The following SMARCAD1 variants were observed in gnomAD, a reference collection of about 807,000 sequenced individuals.
SMARCAD1 encodes SNF2 related chromatin remodeling ATPase with DExD box 1, also known as SWI/SNF-related matrix-associated actin-dependent regulator of chromatin subfamily A containing DEAD/H box 1.
A neutral mutation model predicts 127.1 loss-of-function variants in SMARCAD1; 25 were observed. The ratio of observed to expected loss-of-function variants is 0.20; its 90% CI spans 0.14 to 0.27. The LOEUF (loss-of-function observed/expected upper bound fraction) is 0.27. SMARCAD1 is among the 10% of genes least tolerant of loss of function. The pLI is 1.00. For missense variants in SMARCAD1, 807 were observed against 1,206.0 expected, an observed-to-expected ratio of 0.67 and a Z score of 4.90; for synonymous variants, 400 against 396.9, an observed-to-expected ratio of 1.01 and a Z score of -0.09.
chr4:94,265,004 A>G, intron 10 of SMARCAD1, 98 bp downstream of exon 10: 3 of 1,201,034 alleles, frequency 2.5e-6, no homozygotes, highest in South Asian at 2.8e-5. Flanking sequence ...TATGGCAACT[A>G]GTGGTAGGAG....
intron 2 of SMARCAD1, among the ~76,000 whole-genome samples, chr4:94,223,790 C>T (rs1744565289): frequency 7.1e-6 from 1 of 141,196 alleles, no homozygotes; most frequent in East Asian, 2.1e-4. Flanking sequence ...ACCACCTTGG[C>T]TGGGCTGATG....
intron 6 of SMARCAD1, among the ~76,000 whole-genome samples, chr4:94,241,208 T>C (rs1747528295): frequency 6.6e-6 from 1 of 152,216 alleles, no homozygotes; most frequent in Non-Finnish European, 1.5e-5. Flanking sequence ...GCACAGACTA[T>C]TTTGTGTCTG....
chr4:94,220,357 C>T (rs1215675435), intron 2 of SMARCAD1, among the ~76,000 whole-genome samples: 1 of 152,148 alleles, frequency 6.6e-6, no homozygotes, highest in African/African-American at 2.4e-5. Context: ...AAGCAATTCT[C>T]CCACCTCAGC....
chr4:94,253,572 T>G, intron 9 of SMARCAD1: 1 of 1,089,188 alleles, frequency 9.2e-7, no homozygotes, highest in Non-Finnish European at 1.1e-6. Flanking sequence ...GTGGCCATTT[T>G]ATGGAGTGTA....
intron 10 of SMARCAD1, 34 bp downstream of exon 10, chr4:94,264,940 A>G (rs775894337): frequency 3.2e-6 from 5 of 1,560,632 alleles, no homozygotes; most frequent in Non-Finnish European, 4.4e-6. Flanking sequence ...TTCGTATTTT[A>G]TCTCAATTAT....
At chr4:94,238,339 A>T (rs957994992) in intron 5 of SMARCAD1, among the ~76,000 whole-genome samples, 1 of 152,064 alleles carries the variant, frequency 6.6e-6, no homozygotes, top group Non-Finnish European at 1.5e-5. Flanking sequence ...TTGTTTCCTT[A>T]GCAGTAAAGT....
intron 2 of SMARCAD1, among the ~76,000 whole-genome samples, chr4:94,223,875 C>G (rs1744582184): frequency 6.6e-6 from 1 of 151,870 alleles, no homozygotes; most frequent in African/African-American, 2.4e-5. Flanking sequence ...GCCACCGCAC[C>G]TGGCCTCTCA....
At chr4:94,229,504 T>G (rs1745498188) in intron 3 of SMARCAD1, among the ~76,000 whole-genome samples, 1 of 152,142 alleles carries the variant, frequency 6.6e-6, no homozygotes. Context: ...TCAAACAGGC[T>G]GTTGTGTTTG....
chr4:94,219,395 G>A (rs1259219869), intron 2 of SMARCAD1, among the ~76,000 whole-genome samples: 2 of 151,476 alleles, frequency 1.3e-5, no homozygotes, highest in African/African-American at 4.9e-5. Flanking sequence ...TTTTTTGTTC[G>A]AATGAGCCTT....
At chr4:94,243,573 G>A (rs997329102) in intron 6 of SMARCAD1, among the ~76,000 whole-genome samples, 14 of 152,140 alleles carry the variant, frequency 9.2e-5, no homozygotes, top group African/African-American at 3.1e-4. Flanking sequence ...ACATCAGTCA[G>A]TTCTGTTTTT....
chr4:94,273,960 T>G (rs1752906249), intron 12 of SMARCAD1, among the ~76,000 whole-genome samples: 1 of 152,224 alleles, frequency 6.6e-6, no homozygotes. Context: ...AAGGACGATT[T>G]ATGTTGGTTT....
intron 9 of SMARCAD1, among the ~76,000 whole-genome samples, chr4:94,262,642 C>T (rs1002134664): frequency 6.6e-6 from 1 of 152,118 alleles, no homozygotes; most frequent in African/African-American, 2.4e-5. Context: ...TAGGTTCTGA[C>T]ATGTGAATTT....
intron 2 of SMARCAD1, among the ~76,000 whole-genome samples, chr4:94,213,374 T>C (rs900543304): frequency 8.5e-5 from 13 of 152,100 alleles, no homozygotes; most frequent in Admixed American, 6.5e-4. Context: ...GTTGAAAATA[T>C]ATGTTGCCTC....
intron 3 of SMARCAD1, among the ~76,000 whole-genome samples, chr4:94,229,433 T>C (rs1304038989): frequency 6.6e-6 from 1 of 152,150 alleles, no homozygotes; most frequent in Non-Finnish European, 1.5e-5. Context: ...GTTTATAATT[T>C]AGTACTATTA....
chr4:94,219,605 G>C (rs1743769612), intron 2 of SMARCAD1, among the ~76,000 whole-genome samples: 1 of 152,080 alleles, frequency 6.6e-6, no homozygotes, highest in African/African-American at 2.4e-5. Context: ...ATTTCATTTG[G>C]AATTACTCCC....
chr4:94,224,067 A>G (rs1744619928), intron 2 of SMARCAD1, among the ~76,000 whole-genome samples: 1 of 152,144 alleles, frequency 6.6e-6, no homozygotes, highest in Non-Finnish European at 1.5e-5. Flanking sequence ...TATACTTACT[A>G]TATAGGAGTT....
At chr4:94,282,270 G>C (rs906894688) in intron 21 of SMARCAD1, among the ~76,000 whole-genome samples, 1 of 141,160 alleles carries the variant, frequency 7.1e-6, no homozygotes, top group Admixed American at 7.3e-5. Context: ...CTAATTTTTT[G>C]TATTTTTAGT....
chr4:94,234,586 T>C (rs1213760316), intron 4 of SMARCAD1, among the ~76,000 whole-genome samples: 1 of 152,238 alleles, frequency 6.6e-6, no homozygotes, highest in Non-Finnish European at 1.5e-5. Context: ...TTGATTTAAC[T>C]ACAGAAACAA....
intron 22 of SMARCAD1, 81 bp downstream of exon 22, chr4:94,283,384 T>C (rs1479355800): frequency 2.8e-6 from 4 of 1,428,698 alleles, no homozygotes; most frequent in Non-Finnish European, 3.9e-6. Flanking sequence ...GTGTTGGATG[T>C]CCTGCCTTAG....
Sources: allele counts gnomAD v4.1 joint callset (sites outside exome capture counted in the v4.1 genomes callset), GRCh38; gene constraint gnomAD v4.1.1; transcripts MANE v1.5; gene names NCBI Gene and HGNC (gene_info 2026-07-23, HGNC 2026-07-21).